CYP27B1: variants seen among roughly 807,000 people sequenced by gnomAD.
CYP27B1 encodes cytochrome P450 family 27 subfamily B member 1.
Under a neutral mutation model 54.8 loss-of-function variants are expected in CYP27B1, and 46 were observed. The observed-to-expected ratio is 0.84, with a 90% confidence interval of 0.66 to 1.07. The LOEUF is 1.07. Ranked by LOEUF, CYP27B1 falls within the 50% of genes least tolerant of loss-of-function variation. CYP27B1 has a pLI of 0.00. For missense variants in CYP27B1, 674 were observed against 692.2 expected (o/e 0.97, Z 0.30); for synonymous variants, 292 against 297.3 (o/e 0.98, Z 0.18).
chr12:57,764,497 G>A lies in CYP27B1; in HGVS notation c.1017C>T (p.Val339=). ...TGATCTCTGAGTGGAGTGCTGTCTGGACTTCGGGGTGCCGGGAGAGCTCAT... is the reference window on the plus strand; with the variant it reads ...TGATCTCTGAGTGGAGTGCTGTCTGAACTTCGGGGTGCCGGGAGAGCTCAT... ...ALYELSRHPE[V]QTALHSEITA... is the part of the protein sequence containing the mutation. Residue 339 remains valine, a synonymous_variant, in exon 6 of 9, where the codon GTC becomes GTT. Coordinates refer to ENST00000228606, the MANE Select transcript of CYP27B1 (RefSeq NM_000785.4). 7 of 1,614,214 alleles carry A rather than the reference G, an allele frequency of 4.3e-6. No individual in the cohort carries two copies. The highest frequency in any genetic ancestry group is 1.7e-5 in the Admixed American group (1 of 60,032).
At chr12:57,766,792 G>A (rs1055431797) in intron 1 of CYP27B1, 55 bp downstream of exon 1, 5 of 1,578,330 alleles carry the variant, frequency 3.2e-6, no homozygotes, top group Non-Finnish European at 4.4e-6. Flanking sequence ...CCTTTCTGAC[G>A]CTGTCAAAAC....
rs1955328049 is a variant in CYP27B1 at position 57,762,660 on chromosome 12, C to G, written c.*482G>C. ...ATGGTGACACCTAGTCAGAGACAGG[C>G]CCTGGCAGGGGACATAAAAAACAAA... On this transcript the variant is annotated 3_prime_UTR_variant, in exon 9 of 9. Coordinates refer to ENST00000228606, the MANE Select transcript of CYP27B1 (RefSeq NM_000785.4). The G allele has an allele frequency of 4.3e-6, 1 of 233,730 alleles. No homozygotes were observed. Among genetic ancestry groups the G allele is most frequent in the African/African-American group, 2.2e-5 (1 of 44,758 alleles). 14.5% of individuals were successfully genotyped at this position (233,730 alleles called of 1,614,324 possible).
chr12:57,764,394 C>T lies in CYP27B1; in HGVS notation c.1120G>A (p.Val374Ile), dbSNP rs779651723. The change falls in exon 6 of 9, where the codon GTC becomes ATC. Residue 374 changes from valine to isoleucine, a missense_variant. Physicochemically the swap from Val to Ile is conservative, Grantham distance 29 (BLOSUM62 3). Transcript: ENST00000228606. ...CCCCCTCACCTTAGCACTTCCTTGA[C>T]CACCGCCTTCAGCAGGGGCAGCTGG... The part of the protein sequence containing the change: ...LSQLPLLKAV[V>I]KEVLRLYPVV... 1.2e-6 allele frequency: 2 copies of T among 1,614,212 alleles called. No homozygotes were observed. Among genetic ancestry groups the T allele is most frequent in the Non-Finnish European group, 1.7e-6 (2 of 1,180,034 alleles).
chr12:57,763,297 A>G, intron 8 of CYP27B1, 42 bp from the exon 9 acceptor site: 1 of 1,408,234 alleles, frequency 7.1e-7, no homozygotes, highest in Non-Finnish European at 1.0e-6. Flanking sequence ...AAAGATATCT[A>G]TAATGGGGGG....
Position 57,765,292 on chromosome 12 carries a change from C to T in CYP27B1, c.589+5G>A. ...ACGCCTGCCCAGCTCTGTCCTGGGA[C>T]TCACCTTCCAGTCCGAACTTGTAAA... is the stretch of plus-strand genomic sequence containing the variant. On this transcript the variant is annotated splice_donor_5th_base_variant and intron_variant, in intron 3 of 8. Transcript: ENST00000228606. This position sits in a 1 kb window ranked among gnomAD's most constrained non-coding sequence, Gnocchi z 5.8. 1.2e-6 allele frequency: 2 copies of T among 1,612,882 alleles called. No homozygotes were observed. Among genetic ancestry groups the T allele is most frequent in the Non-Finnish European group, 1.7e-6 (2 of 1,179,718 alleles).
intron 1 of CYP27B1, chr12:57,766,621 T>A: frequency 1.6e-6 from 1 of 610,128 alleles, no homozygotes; most frequent in South Asian, 2.0e-5. Flanking sequence ...TCTCCACACC[T>A]CAGGACAGCG....
intron 5 of CYP27B1, 84 bp from the exon 6 acceptor site, chr12:57,764,634 G>T: frequency 6.3e-7 from 1 of 1,590,644 alleles, no homozygotes; most frequent in Non-Finnish European, 8.6e-7. Flanking sequence ...TGGGGCTACA[G>T]GGTGCTAAGC....
At chr12:57,766,371 T>A (rs1565811829) in intron 1 of CYP27B1, 174 bp from the exon 2 acceptor site, 7 of 922,324 alleles carry the variant, frequency 7.6e-6, no homozygotes, top group East Asian at 2.9e-5. Context: ...TCATTTCCCA[T>A]CCCTAGAAAG....
At position 57,765,368 on chromosome 12, in the gene CYP27B1, C is replaced by T. The variant is rs769593161; in HGVS notation, c.518G>A (p.Arg173Gln). Residue 173 changes from arginine to glutamine, a missense_variant, in exon 3 of 9, where the codon CGG (arginine) becomes CAG (glutamine). Coordinates refer to ENST00000228606, the MANE Select transcript of CYP27B1 (RefSeq NM_000785.4). This position sits in a 1 kb window ranked among gnomAD's most constrained non-coding sequence, Gnocchi z 5.8. The part of the protein sequence containing the change: ...CDLVRRLRRQ[R>Q]GRGTGPPALV... ...GGCGGGCGGCCCCGTGCCACGTCCC[C>T]GCTGGCGCCTCAGACGCCGCACAAG... The T allele has an allele frequency of 1.2e-6, 2 of 1,613,426 alleles. No homozygotes were observed. Among genetic ancestry groups the T allele is most frequent in the Non-Finnish European group, 1.7e-6 (2 of 1,179,774 alleles).
rs1351136873 is a variant in CYP27B1 at position 57,764,533 on chromosome 12, A to G, written c.981T>C (p.Ser327=). The part of the protein sequence containing the change: ...AGVDTVSNTL[S]WALYELSRHP... Reference sequence around the variant, plus strand: ...GCCGGGAGAGCTCATACAGAGCCCAAGAGAGCGTGTTGGACACCTGAAAAA... The same window carrying G: ...GCCGGGAGAGCTCATACAGAGCCCAGGAGAGCGTGTTGGACACCTGAAAAA... The change falls in exon 6 of 9, where the codon TCT becomes TCC. Residue 327 remains serine, a synonymous_variant. Transcript: ENST00000228606. 1 of 1,614,166 alleles carries G rather than the reference A, an allele frequency of 6.2e-7. No homozygotes were observed. The highest frequency in any genetic ancestry group is 1.1e-5 in the South Asian group (1 of 91,086).
Position 57,765,384 on chromosome 12 carries a change from G to A in CYP27B1, c.502C>T (p.Arg168Cys), listed in dbSNP as rs369510241. ...CCACGTCCCCGCTGGCGCCTCAGAC[G>A]CCGCACAAGGTCGCAGACTACGTTG... is the stretch of plus-strand genomic sequence containing the variant. ...LNNVVCDLVRRLRRQRGRGTG... is the reference protein window; with the variant it reads ...LNNVVCDLVRCLRRQRGRGTG... The change falls in exon 3 of 9, where the codon CGT becomes TGT. Residue 168 changes from arginine to cysteine, a missense_variant. Physicochemically the swap from Arg to Cys is radical, Grantham distance 180 (BLOSUM62 -3). Coordinates refer to ENST00000228606, the MANE Select transcript of CYP27B1 (RefSeq NM_000785.4). This position sits in a 1 kb window ranked among gnomAD's most constrained non-coding sequence, Gnocchi z 5.8. 23 of 1,613,138 alleles carry A rather than the reference G, an allele frequency of 1.4e-5. No homozygotes were observed. Among genetic ancestry groups the A allele is most frequent in the Non-Finnish European group, 1.9e-5 (22 of 1,179,700 alleles).
Position 57,766,078 on chromosome 12 carries a change from G to C in CYP27B1, c.315C>G (p.Pro105=). 1 of 1,552,750 alleles carries C rather than the reference G, an allele frequency of 6.4e-7. No homozygotes were observed. Among genetic ancestry groups the C allele is most frequent in the East Asian group, 2.4e-5 (1 of 42,146 alleles). The change falls in exon 2 of 9, where the codon CCC becomes CCG. Residue 105 remains proline (P), a synonymous_variant. Transcript: ENST00000228606. ...EELLRQEGPR[P]ERCSFSPWTE... is the part of the protein sequence containing the mutation. ...TCCAGGGCGAGAAGCTGCAGCGCTC[G>C]GGCCGGGGTCCCTCCTGTCGCAGCA... is the stretch of plus-strand genomic sequence containing the variant.
At chr12:57,763,401 G>T in intron 8 of CYP27B1, 146 bp from the exon 9 acceptor site, 1 of 847,290 alleles carries the variant, frequency 1.2e-6, no homozygotes, top group Non-Finnish European at 2.0e-6. Flanking sequence ...GGGACTTCTT[G>T]GTTAATAAGG....
rs914785290 is a variant in CYP27B1, at chr12:57,765,943, G to C, written c.386+64C>G. On this transcript the variant is annotated intron_variant, in intron 2 of 8. Transcript: ENST00000228606. The surrounding 1 kb of genome is among the most constrained non-coding windows in gnomAD (Gnocchi z 5.8). Reference sequence around the variant, plus strand: ...ACCATGCCCCCAGATTGATAGTTTCGGGACCCGCAGCAGGAGAGGGCCGCT... The same window carrying C: ...ACCATGCCCCCAGATTGATAGTTTCCGGACCCGCAGCAGGAGAGGGCCGCT... 8 of 1,475,810 alleles carry C rather than the reference G, an allele frequency of 5.4e-6. No individual in the cohort carries two copies. The highest frequency in any genetic ancestry group is 4.5e-6 in the Non-Finnish European group (5 of 1,115,564). 91.4% of individuals were successfully genotyped at this position (1,475,810 alleles called of 1,614,324 possible).
At chr12:57,763,520 A>T (rs8176347) in intron 8 of CYP27B1, 91 bp downstream of exon 8, 1 of 1,177,906 alleles carries the variant, frequency 8.5e-7, no homozygotes, top group African/African-American at 1.5e-5. Context: ...GTCTTATATG[A>T]TTTCCTATGC....
At position 57,765,326 on chromosome 12, in the gene CYP27B1, G is replaced by C. The variant is rs775399881; in HGVS notation, c.560C>G (p.Ala187Gly). ...TGPPALVRDV[A>G]GEFYKFGLEG... ...CAGTCCGAACTTGTAAAATTCCCCC[G>C]CCACGTCCCGAACCAGGGCGGGCGG... The change falls in exon 3 of 9, where the codon GCG (alanine) becomes GGG (glycine). Residue 187 changes from alanine (A) to glycine (G), a missense_variant. Transcript: ENST00000228606. The surrounding 1 kb of genome is among the most constrained non-coding windows in gnomAD (Gnocchi z 5.8). The C allele has an allele frequency of 6.2e-7, 1 of 1,613,316 alleles. No individual in the cohort carries two copies. The highest frequency in any genetic ancestry group is 1.7e-5 in the Admixed American group (1 of 60,004).
intron 1 of CYP27B1, chr12:57,766,609 G>T: frequency 1.7e-6 from 1 of 597,886 alleles, no homozygotes; most frequent in Non-Finnish European, 3.0e-6. Context: ...TTATCTGCAG[G>T]ATCTCCACAC....
chr12:57,765,818 A>C lies in CYP27B1; in HGVS notation c.386+189T>G. On this transcript the variant is annotated intron_variant, in intron 2 of 8. Coordinates refer to ENST00000228606, the MANE Select transcript of CYP27B1 (RefSeq NM_000785.4). The surrounding 1 kb of genome is among the most constrained non-coding windows in gnomAD (Gnocchi z 5.8). ...TTCGGGCCTCAAAGGATAAGGAGGTAGGCGGGGAGTGAGGTTGGGGCTCAA... is the reference window on the plus strand; with the variant it reads ...TTCGGGCCTCAAAGGATAAGGAGGTCGGCGGGGAGTGAGGTTGGGGCTCAA... The C allele has an allele frequency of 1.7e-6, 2 of 1,150,228 alleles. No individual in the cohort carries two copies. The highest frequency in any genetic ancestry group is 2.4e-6 in the Non-Finnish European group (2 of 838,074). 71.3% of individuals were successfully genotyped at this position (1,150,228 alleles called of 1,614,324 possible).
In CYP27B1 at chr12:57,763,804, A is replaced by G; in HGVS notation, c.1220T>C (p.Leu407Pro). ...AGTGGCATAGTGACACAGAGTGACC[A>G]GCGTCTGGTGCAAAGGAAAACAAAC... ...VGDYIIPKNT[L>P]VTLCHYATSR... The change falls in exon 8 of 9, where the codon CTG (leucine) becomes CCG (proline). Residue 407 changes from leucine (L) to proline (P), a missense_variant. By Grantham distance (98) the Leu-to-Pro change is moderately conservative. Coordinates refer to ENST00000228606, the MANE Select transcript of CYP27B1 (RefSeq NM_000785.4). 3.7e-6 allele frequency: 6 copies of G among 1,614,116 alleles called. No individual in the cohort carries two copies. Among genetic ancestry groups the G allele is most frequent in the Non-Finnish European group, 5.1e-6 (6 of 1,179,980 alleles).
Sources: gnomAD v4.1 joint callset for allele counts on GRCh38, gnomAD v4.1.1 for gene constraint, Gnocchi (gnomAD v3.1) non-coding constraint, MANE v1.5 for transcripts, NCBI Gene and HGNC (gene_info 2026-07-23, HGNC 2026-07-21) for gene names.